CACHD1: variants seen among roughly 807,000 people sequenced by gnomAD.
CACHD1 encodes cache domain containing 1.
In CACHD1, 71 loss-of-function variants were observed where a neutral mutation model predicts 138.7. The ratio of observed to expected loss-of-function variants is 0.51; its 90% CI spans 0.42 to 0.62. CACHD1 has a LOEUF of 0.62. Ranked by LOEUF, CACHD1 falls within the 20% of genes least tolerant of loss-of-function variation. CACHD1 has a pLI of 0.00. For synonymous variants in CACHD1, 578 were observed against 591.5 expected (o/e 0.98, Z 0.33); for missense variants, 1,389 against 1,625.3 (o/e 0.85, Z 2.50).
rs991061180 is a variant in CACHD1, at chr1:64,558,245, T to C, written c.261+7589T>C. ...AGTTGATCCTTTTCATCTTCCTTGA[T>C]AAATCTTCCTAACTTGGGTCTTTGG... On this transcript the variant is annotated intron_variant, in intron 2 of 26. Transcript: ENST00000651257. 9.8e-5 allele frequency among the ~76,000 whole-genome samples: 15 copies of C among 152,396 alleles called. 4 individuals are homozygous for C. Among genetic ancestry groups the C allele is most frequent in the Admixed American group, 3.3e-4 (5 of 15,308 alleles).
chr1:64,637,868 G>A (rs143081510), intron 7 of CACHD1, among the ~76,000 whole-genome samples: 8 of 152,250 alleles, frequency 5.3e-5, no homozygotes, highest in African/African-American at 1.7e-4. Flanking sequence ...GTACTCTCAG[G>A]CAATATTGCC....
chr1:64,617,642 C>CTAA lies in CACHD1; in HGVS notation c.518-11713_518-11712insTAA, dbSNP rs1272322893. Reference sequence around the variant, plus strand: ...CCAAGGAACAGGCTTGGTCAACTGTCATTAGTTTAACTTTTGCAATGGGCC... The same window carrying CTAA: ...CCAAGGAACAGGCTTGGTCAACTGTCTAAATTAGTTTAACTTTTGCAATGGGCC... On this transcript the variant is annotated intron_variant, in intron 4 of 26. Transcript: ENST00000651257. 5.3e-5 allele frequency among the ~76,000 whole-genome samples: 8 copies of CTAA among 152,256 alleles called. 1 individual carries two copies. The South Asian group carries it at 8.3e-4, about 16-fold the overall frequency.
In CACHD1 at chr1:64,691,658, C is replaced by T. The variant is rs1650564303; in HGVS notation, c.*97C>T. 4 of 1,089,838 alleles carry T rather than the reference C, an allele frequency of 3.7e-6. No homozygotes were observed. Among genetic ancestry groups the T allele is most frequent in the East Asian group, 2.5e-5 (1 of 39,914 alleles). The allele number at this position is 1,089,838 out of a possible 1,614,324, so 67.5% of individuals were successfully genotyped here. On this transcript the variant is annotated 3_prime_UTR_variant, in exon 27 of 27. Coordinates refer to ENST00000651257, the MANE Select transcript of CACHD1 (RefSeq NM_020925.4). ...TTAAAACCCACAGCAAGAGACCTCC[C>T]TTGTGTTTGTGCTTTGTGCAGAGTT...
At chr1:64,511,671 G>A (rs1182411164) in intron 1 of CACHD1, among the ~76,000 whole-genome samples, 1 of 152,178 alleles carries the variant, frequency 6.6e-6, no homozygotes, top group Non-Finnish European at 1.5e-5. Flanking sequence ...TCTGTATTTA[G>A]CTCTGGCCAC....
chr1:64,500,396 T>C (rs185623895), intron 1 of CACHD1, among the ~76,000 whole-genome samples: 2 of 152,330 alleles, frequency 1.3e-5, no homozygotes, highest in African/African-American at 4.8e-5. Context: ...AAAAAAAGAA[T>C]GCCTTTTTAT....
intron 1 of CACHD1, among the ~76,000 whole-genome samples, chr1:64,507,531 G>A (rs150087765): frequency 3.6e-4 from 55 of 152,328 alleles, no homozygotes; most frequent in African/African-American, 1.3e-3. Flanking sequence ...TGCATAGGTA[G>A]AGGTGGAGCA....
chr1:64,588,398 C>A (rs577959461), intron 3 of CACHD1, among the ~76,000 whole-genome samples: 13 of 150,860 alleles, frequency 8.6e-5, no homozygotes, highest in Non-Finnish European at 1.8e-4. Context: ...TGATCCTTGG[C>A]TTTTATATAA....
intron 3 of CACHD1, among the ~76,000 whole-genome samples, chr1:64,594,998 T>G (rs1274099140): frequency 1.3e-5 from 2 of 152,248 alleles, no homozygotes; most frequent in East Asian, 3.8e-4. Context: ...GTATTCCTTT[T>G]GTAGAATCAG....
At position 64,519,829 on chromosome 1, in the gene CACHD1, A is replaced by C. The variant is rs565457195; in HGVS notation, c.199-30765A>C. Among the ~76,000 whole-genome samples the C allele has an allele frequency of 2.0e-4, 27 of 137,120 alleles. No individual in the cohort carries two copies. In the East Asian group the frequency reaches 5.5e-3, roughly 28 times the overall value. The allele number at this position is 137,120 out of a possible 152,430, so 90.0% of individuals were successfully genotyped here. A position where few individuals can be genotyped will look rare whatever the true frequency, so the allele number is the denominator to read the frequency against. Reference sequence around the variant, plus strand: ...GCCAGTTCGGTTATACACAACTCCTAGGTGCTTTTTTCTGGTGAATTTTGA... The same window carrying C: ...GCCAGTTCGGTTATACACAACTCCTCGGTGCTTTTTTCTGGTGAATTTTGA... On this transcript the variant is annotated intron_variant, in intron 1 of 26. Coordinates refer to ENST00000651257, the MANE Select transcript of CACHD1 (RefSeq NM_020925.4).
intron 3 of CACHD1, among the ~76,000 whole-genome samples, chr1:64,590,659 G>C (rs1647092210): frequency 6.6e-6 from 1 of 151,910 alleles, no homozygotes; most frequent in African/African-American, 2.4e-5. Flanking sequence ...TCAAGTCAAG[G>C]GTTTTGTTTT....
At chr1:64,671,451 G>A in intron 16 of CACHD1, 113 bp from the exon 17 acceptor site, 2 of 1,107,512 alleles carry the variant, frequency 1.8e-6, no homozygotes. Context: ...GAAAAGTAGG[G>A]AGGAACAGTG....
Position 64,487,927 on chromosome 1 carries a change from T to TATA in CACHD1, c.198+16989_198+16991dup, listed in dbSNP as rs1280799754. Among the ~76,000 whole-genome samples the TATA allele has an allele frequency of 2.6e-5, 4 of 152,360 alleles. No individual in the cohort carries two copies. The East Asian group carries it at 7.7e-4, about 29-fold the overall frequency. ...TATTACTACAGATACAGCTTCAAAATATAATATGTTTTATAGATAGAACTG... is the reference window on the plus strand; with the variant it reads ...TATTACTACAGATACAGCTTCAAAATATAATAATATGTTTTATAGATAGAACTG... On this transcript the variant is annotated intron_variant, in intron 1 of 26. Transcript: ENST00000651257.
chr1:64,578,118 A>G (rs1481592543), intron 2 of CACHD1, among the ~76,000 whole-genome samples: 5 of 152,202 alleles, frequency 3.3e-5, no homozygotes, highest in Admixed American at 2.6e-4. Flanking sequence ...GTCATATTTT[A>G]ATATTTCAAG....
chr1:64,678,460 T>G (rs533134876), intron 23 of CACHD1, 150 bp downstream of exon 23: 10 of 819,944 alleles, frequency 1.2e-5, no homozygotes, highest in Admixed American at 3.7e-5. Flanking sequence ...ATAATTACCT[T>G]CAGAACTGGC....
intron 26 of CACHD1, among the ~76,000 whole-genome samples, chr1:64,690,885 T>C (rs1650526549): frequency 6.6e-6 from 1 of 152,202 alleles, no homozygotes; most frequent in Non-Finnish European, 1.5e-5. Context: ...TGTTCAGATC[T>C]TCTTCTTGAA....
intron 1 of CACHD1, among the ~76,000 whole-genome samples, chr1:64,496,585 T>C (rs1377114019): frequency 2.6e-5 from 4 of 152,198 alleles, no homozygotes; most frequent in African/African-American, 4.8e-5. Flanking sequence ...TTGAAACTTA[T>C]AGCTTACAAA....
chr1:64,593,717 T>C (rs1209980260), intron 3 of CACHD1, among the ~76,000 whole-genome samples: 1 of 152,222 alleles, frequency 6.6e-6, no homozygotes, highest in Non-Finnish European at 1.5e-5. Context: ...TAAATGTTAC[T>C]GATAGCCTTT....
intron 8 of CACHD1, among the ~76,000 whole-genome samples, chr1:64,647,355 G>A (rs1449166475): frequency 6.6e-6 from 1 of 152,134 alleles, no homozygotes; most frequent in East Asian, 1.9e-4. Flanking sequence ...TGGTTTTATA[G>A]GTGAAGAAGT....
At chr1:64,542,744 G>A (rs2100432175) in intron 1 of CACHD1, among the ~76,000 whole-genome samples, 1 of 152,220 alleles carries the variant, frequency 6.6e-6, no homozygotes, top group African/African-American at 2.4e-5. Context: ...TTGCATAGGG[G>A]ATTACAGATA....
Sources: gnomAD v4.1 joint callset for allele counts (sites outside exome capture counted in the v4.1 genomes callset) on GRCh38, gnomAD v4.1.1 for gene constraint, MANE v1.5 for transcripts, NCBI Gene and HGNC (gene_info 2026-07-23, HGNC 2026-07-21) for gene names.